TXNDC15: variants seen among roughly 807,000 people sequenced by gnomAD.
TXNDC15 encodes the protein thioredoxin domain containing 15.
TXNDC15 carries 24 observed loss-of-function variants against 35.0 expected under a neutral mutation model. That is an observed-to-expected ratio of 0.68 (90% CI 0.50 to 0.96). The LOEUF (loss-of-function observed/expected upper bound fraction) is 0.96. TXNDC15 is among the 40% of genes least tolerant of loss of function. TXNDC15 has a pLI of 0.00. For missense variants in TXNDC15, 385 were observed against 453.3 expected, an observed-to-expected ratio of 0.85 and a Z score of 1.37; for synonymous variants, 169 against 174.0, an observed-to-expected ratio of 0.97 and a Z score of 0.23.
chr5:134,874,779 C>G (rs1171329213), intron 1 of TXNDC15, among the ~76,000 whole-genome samples: 1 of 152,230 alleles, frequency 6.6e-6, no homozygotes, highest in Non-Finnish European at 1.5e-5. Flanking sequence ...GCCCTCAGCC[C>G]GTGGCTGGTA....
chr5:134,881,371 T>G (rs1750140697), intron 1 of TXNDC15, among the ~76,000 whole-genome samples: 1 of 102,972 alleles, frequency 9.7e-6, no homozygotes, highest in Non-Finnish European at 1.9e-5. Context: ...TACTTGAGAT[T>G]AGGGAGTGGT....
At chr5:134,897,846 T>C (rs1455866662) in intron 4 of TXNDC15, among the ~76,000 whole-genome samples, 3 of 151,928 alleles carry the variant, frequency 2.0e-5, no homozygotes, top group Non-Finnish European at 2.9e-5. Flanking sequence ...CTGTCTCTAC[T>C]AAAAATACAA....
At position 134,898,905 on chromosome 5, in the gene TXNDC15, T is replaced by C. The variant is rs550999880; in HGVS notation, c.887-584T>C. Among the ~76,000 whole-genome samples, 212 of 152,190 alleles carry C rather than the reference T, an allele frequency of 1.4e-3. 1 individual carries two copies. The highest frequency in any genetic ancestry group is 2.0e-3 in the Non-Finnish European group (137 of 68,002). On this transcript the variant is annotated intron_variant, in intron 4 of 4. Transcript: ENST00000358387. Reference sequence around the variant, plus strand: ...GCCTGGCCAACATGGTGAAACCTCGTCTCTACTAAAAATACAAAAAAATTA... The same window carrying C: ...GCCTGGCCAACATGGTGAAACCTCGCCTCTACTAAAAATACAAAAAAATTA...
intron 3 of TXNDC15, 100 bp downstream of exon 3, chr5:134,893,755 A>G (rs1281296972): frequency 1.6e-5 from 24 of 1,478,666 alleles, no homozygotes; most frequent in Non-Finnish European, 2.0e-5. Context: ...GAGGGGGGGC[A>G]TGAACTGTGT....
chr5:134,888,365 A>G (rs1197720083), intron 2 of TXNDC15, among the ~76,000 whole-genome samples, 183 bp downstream of exon 2: 3 of 152,202 alleles, frequency 2.0e-5, no homozygotes, highest in Admixed American at 6.5e-5. Flanking sequence ...ACGAGGAAAT[A>G]TAACTAGTGT....
Position 134,899,752 on chromosome 5 carries a change from T to G in TXNDC15, c.*67T>G. The G allele has an allele frequency of 7.6e-7, 1 of 1,311,974 alleles. No individual in the cohort carries two copies. Among genetic ancestry groups the G allele is most frequent in the South Asian group, 1.6e-5 (1 of 63,448 alleles). 81.3% of individuals were successfully genotyped at this position (1,311,974 alleles called of 1,614,324 possible). ...CGTTTCAGAAATTAGTGCTACAGTT[T>G]CATACATTTTCTCCAGTGACGTGTT... On this transcript the variant is annotated 3_prime_UTR_variant, in exon 5 of 5. Coordinates refer to ENST00000358387, the MANE Select transcript of TXNDC15 (RefSeq NM_024715.4).
intron 1 of TXNDC15, among the ~76,000 whole-genome samples, chr5:134,883,080 G>T (rs1469595319): frequency 6.6e-6 from 1 of 152,066 alleles, no homozygotes; most frequent in African/African-American, 2.4e-5. Context: ...CTTGAGGCCA[G>T]GAGTTTGAGA....
chr5:134,882,397 A>G (rs1388029069), intron 1 of TXNDC15, among the ~76,000 whole-genome samples: 2 of 148,422 alleles, frequency 1.3e-5, no homozygotes, highest in East Asian at 2.1e-4. Context: ...CATCCCAGAC[A>G]ATGGGCGGCC....
In TXNDC15 at chr5:134,874,424, G is replaced by A. The variant is rs765013298; in HGVS notation, c.-4G>A. 2 of 1,596,770 alleles carry A rather than the reference G, an allele frequency of 1.3e-6. No individual in the cohort carries two copies. The highest frequency in any genetic ancestry group is 2.3e-5 in the East Asian group (1 of 43,132). On this transcript the variant is annotated 5_prime_UTR_variant, in exon 1 of 5. Coordinates refer to ENST00000358387, the MANE Select transcript of TXNDC15 (RefSeq NM_024715.4). ...CGTGCGCCGATTGCCTCTCGGCCTG[G>A]GCAATGGTCCCGGCTGCCGGTCGAC...
intron 2 of TXNDC15, among the ~76,000 whole-genome samples, chr5:134,889,953 C>T (rs1482495157): frequency 1.3e-5 from 2 of 152,202 alleles, no homozygotes; most frequent in African/African-American, 4.8e-5. Flanking sequence ...GAGTTGTAAT[C>T]TTTTTGCTGG....
chr5:134,878,135 T>C (rs1750076871), intron 1 of TXNDC15, among the ~76,000 whole-genome samples: 1 of 152,118 alleles, frequency 6.6e-6, no homozygotes, highest in Non-Finnish European at 1.5e-5. Context: ...TGGTCTTGAA[T>C]TCCTGACCTC....
At chr5:134,883,587 C>CAAAAAAAAAAAAAAAAAGAAA (rs1750207070) in intron 1 of TXNDC15, among the ~76,000 whole-genome samples, 1 of 65,380 alleles carries the variant, frequency 1.5e-5, no homozygotes, top group African/African-American at 7.6e-5. Flanking sequence ...GACCCTGTCT[C>CAAAAAAAAAAAAAAAAAGAAA]AAAAAAAAAA....
At chr5:134,886,613 C>T (rs1750279605) in intron 1 of TXNDC15, among the ~76,000 whole-genome samples, 1 of 152,258 alleles carries the variant, frequency 6.6e-6, no homozygotes, top group African/African-American at 2.4e-5. Context: ...TGCCTCTGCA[C>T]TGCCGAGCCC....
chr5:134,874,316 A>T, upstream of TXNDC15: 1 of 863,138 alleles, frequency 1.2e-6, no homozygotes, highest in Non-Finnish European at 1.7e-6. Context: ...GCCAGGTGTT[A>T]AGATGGCGGC....
At chr5:134,898,912 TA>T (rs1750546575) in intron 4 of TXNDC15, among the ~76,000 whole-genome samples, 1 of 152,060 alleles carries the variant, frequency 6.6e-6, no homozygotes, top group South Asian at 2.1e-4. Context: ...TCGTCTCTAC[TA>T]AAAATACAAA....
At chr5:134,891,140 G>T (rs550081350) in intron 2 of TXNDC15, among the ~76,000 whole-genome samples, 1 of 152,100 alleles carries the variant, frequency 6.6e-6, no homozygotes, top group Non-Finnish European at 1.5e-5. Context: ...TATTCTAAAC[G>T]CCTATTAATG....
rs1207450768 is a variant in TXNDC15 at position 134,887,932 on chromosome 5, G to A, written c.341G>A (p.Cys114Tyr). The part of the protein sequence containing the change: ...KVSSEPSGVT[C>Y]GAGGAEDSRC... ...AGTTCAGAGCCTAGCGGCGTCACCTGTGGTGCTGGAGGAGCGGAGGACTCA... is the reference window on the plus strand; with the variant it reads ...AGTTCAGAGCCTAGCGGCGTCACCTATGGTGCTGGAGGAGCGGAGGACTCA... Residue 114 changes from cysteine (C) to tyrosine (Y), a missense_variant, in exon 2 of 5, where the codon TGT becomes TAT. Transcript: ENST00000358387. 1.2e-6 allele frequency: 2 copies of A among 1,614,248 alleles called. No individual in the cohort carries two copies. Among genetic ancestry groups the A allele is most frequent in the Non-Finnish European group, 1.7e-6 (2 of 1,180,050 alleles).
At chr5:134,893,716 G>A (rs1750435376) in intron 3 of TXNDC15, 61 bp downstream of exon 3, 1 of 1,602,140 alleles carries the variant, frequency 6.2e-7, no homozygotes, top group Admixed American at 1.7e-5. Flanking sequence ...GTTATTTGGA[G>A]GTCCTAATTA....
intron 3 of TXNDC15, 69 bp downstream of exon 3, chr5:134,893,724 T>G: frequency 6.3e-7 from 1 of 1,591,052 alleles, no homozygotes; most frequent in Non-Finnish European, 8.6e-7. Flanking sequence ...GAGGTCCTAA[T>G]TAGTTAAGTT....
Sources: allele counts gnomAD v4.1 joint callset (sites outside exome capture counted in the v4.1 genomes callset), GRCh38; gene constraint gnomAD v4.1.1; transcripts MANE v1.5; gene names NCBI Gene and HGNC (gene_info 2026-07-23, HGNC 2026-07-21).